Variants in TXNL4A observed in about 807,000 individuals in gnomAD.
TXNL4A encodes the protein thioredoxin-like protein 4A.
In TXNL4A, 17 loss-of-function variants were observed where a neutral mutation model predicts 14.6. The ratio of observed to expected loss-of-function variants is 1.16; its 90% CI spans 0.80 to 1.74. The LOEUF is 1.74. Ranked by LOEUF, TXNL4A falls within the 40% of genes most tolerant of loss-of-function variation. The pLI, the probability that TXNL4A is intolerant of heterozygous loss-of-function variation, is 0.00. For missense variants in TXNL4A, 74 were observed against 195.2 expected (o/e 0.38, Z 3.70); for synonymous variants, 83 against 70.6 (o/e 1.18, Z -0.88).
chr18:79,992,876 T>TAAAAAAAAA (rs59567705), upstream of TXNL4A, among the ~76,000 whole-genome samples: 3 of 78,618 alleles, frequency 3.8e-5, no homozygotes, highest in South Asian at 6.3e-4. Flanking sequence ...TCATCTTATG[T>TAAAAAAAAA]AAAAAAAAAA....
chr18:79,977,625 T>C lies in TXNL4A; in HGVS notation c.230A>G (p.Asp77Gly). Residue 77 changes from aspartate to glycine, a missense_variant, in exon 2 of 3, where the codon GAT becomes GGT. This residue lies in a region of TXNL4A where 55 missense variants were observed against 116.1 expected (regional missense o/e 0.47). Coordinates refer to ENST00000269601, the MANE Select transcript of TXNL4A (RefSeq NM_006701.5). ...PDFNKMYELY[D>G]PCTVMFFFRN... ...GAAGAAAAACATGACAGTACATGGA[T>C]CGTATAACTCATACATTTTGTTGAA... 6.2e-7 allele frequency: 1 copy of C among 1,610,826 alleles called. No individual in the cohort carries two copies. Among genetic ancestry groups the C allele is most frequent in the Non-Finnish European group, 8.5e-7 (1 of 1,178,968 alleles).
At chr18:79,978,326 G>A (rs972571082) in intron 1 of TXNL4A, among the ~76,000 whole-genome samples, 1 of 151,966 alleles carries the variant, frequency 6.6e-6, no homozygotes, top group Non-Finnish European at 1.5e-5. Flanking sequence ...TCATTTCCCC[G>A]CAATTAGGTC....
chr18:79,976,703 C>T, intron 2 of TXNL4A: 2 of 447,384 alleles, frequency 4.5e-6, no homozygotes, highest in South Asian at 3.2e-5. Flanking sequence ...ATACAACCCA[C>T]CTGACCTTCC....
intron 1 of TXNL4A, among the ~76,000 whole-genome samples, chr18:79,997,084 A>G (rs548957387): frequency 1.2e-4 from 18 of 152,274 alleles, no homozygotes; most frequent in Non-Finnish European, 1.8e-4. Flanking sequence ...AAGAGCAGAA[A>G]ACAGTAAAAC....
At position 79,996,081 on chromosome 18, in the gene TXNL4A, G is replaced by T. The variant is rs2051659240; in HGVS notation, c.-60-18380C>A. Among the ~76,000 whole-genome samples the T allele has an allele frequency of 2.4e-5, 3 of 126,402 alleles. No individual in the cohort carries two copies. In the South Asian group the frequency reaches 8.6e-4, roughly 36 times the overall value. The allele number at this position is 126,402 out of a possible 152,430, so 82.9% of individuals were successfully genotyped here. A position where few individuals can be genotyped will look rare whatever the true frequency, so the allele number is the denominator to read the frequency against. ...ATCGCGCCACTGCACTCCAGCCTGGGCGACAGAGCAAGACTCTGACTCAAA... is the reference window on the plus strand; with the variant it reads ...ATCGCGCCACTGCACTCCAGCCTGGTCGACAGAGCAAGACTCTGACTCAAA... On this transcript the variant is annotated intron_variant, in intron 1 of 2. Transcript: ENST00000585474.
chr18:79,993,319 T>A (rs1442873869), upstream of TXNL4A, among the ~76,000 whole-genome samples: 1 of 108,728 alleles, frequency 9.2e-6, no homozygotes, highest in Non-Finnish European at 1.9e-5. The surrounding 1 kb of genome is among the most constrained non-coding windows in gnomAD (Gnocchi z 4.4). Flanking sequence ...TATTTGCTGT[T>A]TAAAAAAAAA....
intron 1 of TXNL4A, chr18:79,995,235 G>A (rs551407543): frequency 6.6e-6 from 1 of 152,246 alleles, no homozygotes; most frequent in Non-Finnish European, 1.5e-5. Flanking sequence ...GGTCTCAGAA[G>A]CTAAAGCTAA....
chr18:79,973,489 C>T lies in TXNL4A; in HGVS notation c.*196G>A, dbSNP rs778772664. ...ATCAGTAATCTATTCATTAAGTTTCCTGAGAACAAACAAGTAGGCCTGCTC... is the reference window on the plus strand; with the variant it reads ...ATCAGTAATCTATTCATTAAGTTTCTTGAGAACAAACAAGTAGGCCTGCTC... On this transcript the variant is annotated 3_prime_UTR_variant, in exon 3 of 3. Coordinates refer to ENST00000269601, the MANE Select transcript of TXNL4A (RefSeq NM_006701.5). 5 of 552,634 alleles carry T rather than the reference C, an allele frequency of 9.0e-6. No individual in the cohort carries two copies. Among genetic ancestry groups the T allele is most frequent in the Non-Finnish European group, 1.5e-5 (5 of 340,454 alleles). 34.2% of individuals were successfully genotyped at this position (552,634 alleles called of 1,614,324 possible).
At chr18:80,030,141 C>T (rs1406782975) in intron 1 of TXNL4A, among the ~76,000 whole-genome samples, 1 of 152,200 alleles carries the variant, frequency 6.6e-6, no homozygotes, top group African/African-American at 2.4e-5. Flanking sequence ...AAGACCTTTG[C>T]CTCCAGTTCA....
Position 79,973,729 on chromosome 18 carries a change from G to A in TXNL4A, c.385C>T (p.Leu129=). 1 of 1,614,216 alleles carries A rather than the reference G, an allele frequency of 6.2e-7. No homozygotes were observed. The highest frequency in any genetic ancestry group is 8.5e-7 in the Non-Finnish European group (1 of 1,180,038). The change falls in exon 3 of 3, where the codon CTG becomes TTG. Residue 129 remains leucine (L), a synonymous_variant. Coordinates refer to ENST00000269601, the MANE Select transcript of TXNL4A (RefSeq NM_006701.5). ...VYRGARKGRG[L]VVSPKDYSTK... is the part of the protein sequence containing the mutation. ...GAGTAGTCCTTGGGGGACACCACCAGGCCGCGGCCTTTGCGGGCCCCGCGG... is the reference window on the plus strand; with the variant it reads ...GAGTAGTCCTTGGGGGACACCACCAAGCCGCGGCCTTTGCGGGCCCCGCGG...
At chr18:79,994,501 C>T (rs1184910680) in intron 1 of TXNL4A, among the ~76,000 whole-genome samples, 1 of 151,306 alleles carries the variant, frequency 6.6e-6, no homozygotes, top group Non-Finnish European at 1.5e-5. Flanking sequence ...AACTGCCAAT[C>T]GAGAACTCTC....
chr18:80,010,261 G>A (rs759876290), intron 1 of TXNL4A, among the ~76,000 whole-genome samples: 12 of 152,150 alleles, frequency 7.9e-5, no homozygotes, highest in South Asian at 2.1e-4. Context: ...TATGAGTCCC[G>A]TTCTGGGTTC....
chr18:80,020,303 G>A (rs562198582), intron 1 of TXNL4A, among the ~76,000 whole-genome samples: 31 of 152,308 alleles, frequency 2.0e-4, no homozygotes, highest in African/African-American at 7.0e-4. Flanking sequence ...GCCAGGACAG[G>A]TCTTTAACTG....
intron 1 of TXNL4A, among the ~76,000 whole-genome samples, chr18:80,013,640 T>G (rs142626051): frequency 0.011 from 1,629 of 152,006 alleles, 20 homozygotes; most frequent in African/African-American, 0.034. Context: ...GAAAGGGGGT[T>G]TCACCATGTT....
intron 1 of TXNL4A, among the ~76,000 whole-genome samples, chr18:79,994,703 A>G (rs2051649205): frequency 6.6e-6 from 1 of 152,194 alleles, no homozygotes; most frequent in Admixed American, 6.5e-5. Context: ...CAGAACTGCC[A>G]ATCGAGAACT....
intron 1 of TXNL4A, among the ~76,000 whole-genome samples, chr18:80,024,474 TTGTG>T (rs139601899): frequency 0.24 from 36,662 of 151,748 alleles, 5,715 homozygotes; most frequent in Non-Finnish European, 0.35. Flanking sequence ...TGTCTCTGCT[TTGTG>T]TGTGTGTGTA....
chr18:79,999,041 C>G (rs3952520), intron 1 of TXNL4A, among the ~76,000 whole-genome samples: 20 of 152,166 alleles, frequency 1.3e-4, no homozygotes, highest in African/African-American at 2.4e-4. Flanking sequence ...GTCCTCTTCC[C>G]GAAGCCAGAT....
In TXNL4A at chr18:79,973,273, C is replaced by T. The variant is rs4798931; in HGVS notation, c.*412G>A. 0.34 allele frequency: 53,814 copies of T among 158,524 alleles called. 9,817 individuals carry two copies. The highest frequency in any genetic ancestry group is 0.52 in the South Asian group (2,663 of 5,168). The allele number at this position is 158,524 out of a possible 1,614,324, so 9.8% of individuals were successfully genotyped here. On this transcript the variant is annotated 3_prime_UTR_variant, in exon 3 of 3. Transcript: ENST00000269601. ...CCTCACGGCCTCAGCAGTGACCCCC[C>T]ACCCGCGACACCCTGATCTCAGACC...
chr18:79,986,761 G>C (rs2051555711), intron 1 of TXNL4A: 5 of 985,334 alleles, frequency 5.1e-6, no homozygotes, highest in Admixed American at 6.1e-5. Flanking sequence ...CTGCAATGTA[G>C]AACAGTGAAA....
Sources: gnomAD v4.1 joint callset for allele counts (sites outside exome capture counted in the v4.1 genomes callset) on GRCh38, gnomAD v4.1.1 for gene constraint, gnomAD v4.1.1 regional missense constraint, Gnocchi (gnomAD v3.1) non-coding constraint, MANE v1.5 for transcripts, NCBI Gene and HGNC (gene_info 2026-07-23, HGNC 2026-07-21) for gene names.